SLC35F4: variants seen among roughly 807,000 people sequenced by gnomAD.
The protein encoded by SLC35F4 is solute carrier family 35 member F4.
A neutral mutation model predicts 44.2 loss-of-function variants in SLC35F4; 24 were observed. The observed-to-expected ratio is 0.54, with a 90% CI of 0.39 to 0.76. SLC35F4 has a LOEUF of 0.76. SLC35F4 is among the 30% of genes least tolerant of loss of function. The probability of loss-of-function intolerance (pLI) is 0.00; values close to 1 mark genes in which losing one functional copy is unlikely to be tolerated. For synonymous variants in SLC35F4, 238 were observed against 223.6 expected (o/e 1.06, Z -0.57); for missense variants, 562 against 586.1 (o/e 0.96, Z 0.42).
At chr14:57,811,428 G>T (rs1881953069) in intron 1 of SLC35F4, among the ~76,000 whole-genome samples, 1 of 152,172 alleles carries the variant, frequency 6.6e-6, no homozygotes, top group South Asian at 2.1e-4. Context: ...AACAATCAGT[G>T]CCTGGCATTT....
intron 1 of SLC35F4, among the ~76,000 whole-genome samples, chr14:57,677,541 A>G (rs1456146531): frequency 1.3e-5 from 2 of 152,100 alleles, no homozygotes; most frequent in African/African-American, 4.8e-5. Context: ...TTGCTGTTTG[A>G]GTGTTTTTAT....
At chr14:57,644,252 T>C (rs1311282985) in intron 1 of SLC35F4, among the ~76,000 whole-genome samples, 2 of 152,174 alleles carry the variant, frequency 1.3e-5, no homozygotes, top group African/African-American at 4.8e-5. Flanking sequence ...AAAGTGTTCC[T>C]ATTTCTCCAC....
chr14:57,757,489 A>G (rs1253103394), intron 1 of SLC35F4, among the ~76,000 whole-genome samples: 6 of 151,924 alleles, frequency 3.9e-5, no homozygotes. Flanking sequence ...TTAAATGATT[A>G]TATTTTATTT....
chr14:57,924,772 C>T (rs906109266), intron 1 of SLC35F4, among the ~76,000 whole-genome samples: 2 of 151,546 alleles, frequency 1.3e-5, no homozygotes, highest in Non-Finnish European at 2.9e-5. Flanking sequence ...TTCTTCCTTC[C>T]TTCCTTTCTT....
chr14:57,977,491 C>A (rs902381026), intron 1 of SLC35F4, among the ~76,000 whole-genome samples: 6 of 152,212 alleles, frequency 3.9e-5, no homozygotes, highest in Admixed American at 3.3e-4. Flanking sequence ...CTACTGGGAA[C>A]TGATAGAAAG....
chr14:57,701,449 C>T lies in SLC35F4; in HGVS notation c.104-107325G>A, dbSNP rs1238070389. On this transcript the variant is annotated intron_variant, in intron 1 of 7. Coordinates refer to ENST00000556826, the MANE Select transcript of SLC35F4 (RefSeq NM_001306087.2). ...AGTATAGTTATAGTAAAAACATAAACTGTTAACACAGTCATTTATTATCAT... is the reference window on the plus strand; with the variant it reads ...AGTATAGTTATAGTAAAAACATAAATTGTTAACACAGTCATTTATTATCAT... 2.0e-5 allele frequency among the ~76,000 whole-genome samples: 3 copies of T among 152,144 alleles called. No individual in the cohort carries two copies. In the East Asian group the frequency reaches 5.8e-4, roughly 29 times the overall value.
At chr14:57,829,286 G>A (rs1438331401) in intron 1 of SLC35F4, among the ~76,000 whole-genome samples, 3 of 152,306 alleles carry the variant, frequency 2.0e-5, no homozygotes, top group Middle Eastern at 3.4e-3. Context: ...GAGCAGAAGC[G>A]CTCTGGCAGG....
rs1890350220 is a variant in SLC35F4 at position 57,962,094 on chromosome 14, T to C, written n.282+19819A>G. ...AAGGTTGTGCAGCTGGAATCTCAAC[T>C]CAGTCCTGCTTAAGCCAAAACTTAT... On this transcript the variant is annotated intron_variant and non_coding_transcript_variant, in intron 1 of 1. Coordinates refer to the SLC35F4 transcript ENST00000556568. 2.0e-5 allele frequency among the ~76,000 whole-genome samples: 3 copies of C among 152,224 alleles called. No individual in the cohort carries two copies. The South Asian group carries it at 6.2e-4, about 31-fold the overall frequency.
chr14:57,630,500 T>C lies in SLC35F4; in HGVS notation c.104-36376A>G. On this transcript the variant is annotated intron_variant, in intron 1 of 7. Coordinates refer to ENST00000556826, the MANE Select transcript of SLC35F4 (RefSeq NM_001306087.2). ...GGCTGAATCACATTCTAGGTCTGCATCTCACACCAAAACTAGAGGCACCTC... is the reference window on the plus strand; with the variant it reads ...GGCTGAATCACATTCTAGGTCTGCACCTCACACCAAAACTAGAGGCACCTC... The C allele has an allele frequency of 7.6e-6, 8 of 1,058,176 alleles. No individual in the cohort carries two copies. In the South Asian group the frequency reaches 9.9e-5, roughly 13 times the overall value. The allele number at this position is 1,058,176 out of a possible 1,614,324, so 65.5% of individuals were successfully genotyped here.
chr14:57,722,722 C>T (rs182512080), intron 1 of SLC35F4, among the ~76,000 whole-genome samples: 26 of 152,256 alleles, frequency 1.7e-4, no homozygotes, highest in African/African-American at 5.1e-4. Flanking sequence ...TAATTAATCA[C>T]GGTGTTCCTA....
At chr14:57,739,804 A>C (rs1214765280) in intron 1 of SLC35F4, among the ~76,000 whole-genome samples, 1 of 152,182 alleles carries the variant, frequency 6.6e-6, no homozygotes. Context: ...TGAGGAGAAA[A>C]TGTAATTGAT....
intron 1 of SLC35F4, among the ~76,000 whole-genome samples, chr14:57,672,783 A>T (rs1460050422): frequency 1.3e-5 from 2 of 150,498 alleles, no homozygotes; most frequent in East Asian, 3.9e-4. Flanking sequence ...ATTTTATTTT[A>T]TTTTTTTTTT....
At chr14:57,981,436 G>A (rs917366849) in intron 1 of SLC35F4, among the ~76,000 whole-genome samples, 7 of 152,134 alleles carry the variant, frequency 4.6e-5, no homozygotes, top group Admixed American at 2.0e-4. Context: ...TAGTCTGAGC[G>A]TCTTCATGGT....
intron 1 of SLC35F4, among the ~76,000 whole-genome samples, chr14:57,666,352 A>G (rs73305936): frequency 0.026 from 3,958 of 151,912 alleles, 164 homozygotes; most frequent in African/African-American, 0.089. Context: ...CTGTAGGTAC[A>G]ACTATAAATC....
intron 1 of SLC35F4, among the ~76,000 whole-genome samples, chr14:57,872,404 G>A (rs1314386734): frequency 6.6e-6 from 1 of 151,838 alleles, no homozygotes; most frequent in African/African-American, 2.4e-5. Context: ...TACATTTCAA[G>A]AGAGAAGCTA....
intron 1 of SLC35F4, among the ~76,000 whole-genome samples, chr14:57,647,650 T>A (rs1030566116): frequency 1.3e-5 from 2 of 152,174 alleles, no homozygotes. Flanking sequence ...TTGAAAAATA[T>A]TCTTCGCATG....
intron 1 of SLC35F4, among the ~76,000 whole-genome samples, chr14:57,684,287 T>C (rs2075001872): frequency 1.3e-5 from 2 of 152,098 alleles, no homozygotes; most frequent in Non-Finnish European, 2.9e-5. Flanking sequence ...AGTCTCTATG[T>C]TTGCAGCCCC....
intron 1 of SLC35F4, among the ~76,000 whole-genome samples, chr14:57,880,612 A>T (rs1231410897): frequency 6.6e-6 from 1 of 152,216 alleles, no homozygotes; most frequent in East Asian, 1.9e-4. Flanking sequence ...TTCTCTGAAG[A>T]TACAACATTT....
intron 1 of SLC35F4, among the ~76,000 whole-genome samples, chr14:57,619,329 G>A (rs933484124): frequency 3.3e-5 from 5 of 152,156 alleles, no homozygotes; most frequent in African/African-American, 9.7e-5. Context: ...CTGGGACAAA[G>A]TTTCTAGAGA....
Sources: gnomAD v4.1 joint callset for allele counts (sites outside exome capture counted in the v4.1 genomes callset) on GRCh38, gnomAD v4.1.1 for gene constraint, MANE v1.5 for transcripts, NCBI Gene and HGNC (gene_info 2026-07-23, HGNC 2026-07-21) for gene names.